PRKN: variants seen among roughly 807,000 people sequenced by gnomAD.
PRKN encodes the protein E3 ubiquitin-protein ligase parkin.
A neutral mutation model predicts 59.5 loss-of-function variants in PRKN; 56 were observed. The ratio of observed to expected loss-of-function variants is 0.94; its 90% CI spans 0.76 to 1.18. The LOEUF (loss-of-function observed/expected upper bound fraction) is 1.18, where lower values mean the gene tolerates loss of function less well. PRKN is among the 50% of genes most tolerant of loss of function. PRKN has a pLI of 0.00. For synonymous variants in PRKN, 250 were observed against 222.1 expected (o/e 1.13, Z -1.12); for missense variants, 657 against 596.4 (o/e 1.10, Z -1.06).
intron 5 of PRKN, among the ~76,000 whole-genome samples, chr6:162,043,727 A>C (rs1258945965): frequency 6.6e-6 from 1 of 152,226 alleles, no homozygotes. Flanking sequence ...AGGTAACGGC[A>C]ACAGAAAAGG....
chr6:161,358,410 C>T (rs1430159736), intron 11 of PRKN, among the ~76,000 whole-genome samples: 6 of 152,078 alleles, frequency 3.9e-5, no homozygotes, highest in African/African-American at 7.2e-5. Context: ...GTCAGGAGTT[C>T]GAGACCAGCC....
At chr6:162,087,833 C>A (rs1344316965) in intron 4 of PRKN, among the ~76,000 whole-genome samples, 2 of 151,974 alleles carry the variant, frequency 1.3e-5, no homozygotes, top group East Asian at 3.9e-4. Flanking sequence ...ACCTCGTGAT[C>A]CACCCGCCTC....
chr6:162,337,478 T>C (rs1252825453), intron 2 of PRKN, among the ~76,000 whole-genome samples: 1 of 152,242 alleles, frequency 6.6e-6, no homozygotes, highest in African/African-American at 2.4e-5. Context: ...TGAATGTCAC[T>C]ACATTAGCAC....
intron 2 of PRKN, among the ~76,000 whole-genome samples, chr6:162,343,399 G>T (rs989202582): frequency 3.9e-5 from 6 of 152,166 alleles, no homozygotes; most frequent in African/African-American, 1.4e-4. Flanking sequence ...CATCCCGTGT[G>T]GTTGTTGTTT....
At chr6:162,255,581 T>A (rs1197545495) in intron 3 of PRKN, among the ~76,000 whole-genome samples, 2 of 152,172 alleles carry the variant, frequency 1.3e-5, no homozygotes, top group African/African-American at 4.8e-5. Flanking sequence ...TTGCTGCTGC[T>A]GGCCCACAGA....
intron 7 of PRKN, among the ~76,000 whole-genome samples, chr6:161,627,385 A>G (rs1043088528): frequency 1.3e-5 from 2 of 152,254 alleles, no homozygotes; most frequent in African/African-American, 4.8e-5. Context: ...ACCATGGAAT[A>G]TGGTACACAC....
intron 9 of PRKN, among the ~76,000 whole-genome samples, chr6:161,536,641 C>T (rs945391137): frequency 2.0e-5 from 3 of 152,128 alleles, no homozygotes; most frequent in Admixed American, 6.5e-5. Context: ...CCTATAGAGT[C>T]GGTTTCATGC....
At chr6:161,479,980 G>A (rs1791307724) in intron 9 of PRKN, among the ~76,000 whole-genome samples, 1 of 152,178 alleles carries the variant, frequency 6.6e-6, no homozygotes, top group African/African-American at 2.4e-5. Flanking sequence ...AGCTTTAAGG[G>A]CCAGCACACA....
At chr6:162,280,796 CAAAAA>C (rs35943173) in intron 2 of PRKN, among the ~76,000 whole-genome samples, 1 of 41,344 alleles carries the variant, frequency 2.4e-5, no homozygotes, top group African/African-American at 9.2e-5. Context: ...GACTCCATCT[CAAAAA>C]AAAAAAAAAA....
At chr6:161,422,687 A>G (rs1788156539) in intron 9 of PRKN, among the ~76,000 whole-genome samples, 2 of 152,138 alleles carry the variant, frequency 1.3e-5, no homozygotes, top group African/African-American at 4.8e-5. Context: ...GGAAAATAGG[A>G]AGGAAAAATA....
intron 7 of PRKN, among the ~76,000 whole-genome samples, chr6:161,688,501 TA>T (rs1785651615): frequency 2.6e-5 from 4 of 152,366 alleles, no homozygotes; most frequent in African/African-American, 7.2e-5. Flanking sequence ...TTTTAAAACA[TA>T]AATTTCATTC....
chr6:162,427,084 G>A (rs757495446), intron 2 of PRKN, among the ~76,000 whole-genome samples: 1 of 152,170 alleles, frequency 6.6e-6, no homozygotes, highest in South Asian at 2.1e-4. Flanking sequence ...CAAATGAATA[G>A]TAAATGTGAA....
At chr6:162,363,933 T>C (rs980437486) in intron 2 of PRKN, among the ~76,000 whole-genome samples, 3 of 152,162 alleles carry the variant, frequency 2.0e-5, no homozygotes, top group Non-Finnish European at 2.9e-5. Context: ...GCTATAACAG[T>C]AGTCCCAGCT....
At chr6:161,398,999 C>T (rs151130771) in intron 9 of PRKN, among the ~76,000 whole-genome samples, 4 of 152,180 alleles carry the variant, frequency 2.6e-5, no homozygotes, top group Non-Finnish European at 5.9e-5. Context: ...GTCATGCCCC[C>T]CTATCCTGTC....
chr6:162,720,596 G>A (rs955697361), intron 1 of PRKN, among the ~76,000 whole-genome samples: 7 of 151,380 alleles, frequency 4.6e-5, no homozygotes, highest in East Asian at 3.9e-4. Flanking sequence ...GACTACAGGC[G>A]CCCGCCACCG....
At chr6:162,205,761 C>CA (rs1562579618) in intron 3 of PRKN, among the ~76,000 whole-genome samples, 2 of 130,414 alleles carry the variant, frequency 1.5e-5, no homozygotes, top group Non-Finnish European at 3.6e-5. Flanking sequence ...CACACACACA[C>CA]GTACATAGCA....
At chr6:162,134,204 C>G (rs377585667) in intron 4 of PRKN, among the ~76,000 whole-genome samples, 2 of 152,156 alleles carry the variant, frequency 1.3e-5, no homozygotes, top group African/African-American at 4.8e-5. Context: ...GGAATTCCAG[C>G]TCAACTGAAC....
intron 6 of PRKN, among the ~76,000 whole-genome samples, chr6:161,856,522 A>G (rs1793661039): frequency 6.6e-6 from 1 of 152,176 alleles, no homozygotes. Flanking sequence ...TTCATTTATT[A>G]GAAGGTACAT....
rs894998986 is a variant in PRKN, at chr6:161,550,488, T to A, written c.934-1485A>T. 1.3e-4 allele frequency among the ~76,000 whole-genome samples: 19 copies of A among 151,878 alleles called. No homozygotes were observed. The highest frequency in any genetic ancestry group is 2.8e-4 in the Non-Finnish European group (19 of 68,012). On this transcript the variant is annotated intron_variant, in intron 8 of 11. Coordinates refer to ENST00000366898, the MANE Select transcript of PRKN (RefSeq NM_004562.3). This position sits in a 1 kb window ranked among gnomAD's most constrained non-coding sequence, Gnocchi z 4.0. The stretch of plus-strand genomic sequence containing the variant: ...CTATGACGTAAGCTAGGAGCTTATG[T>A]CAACATCTATGCAAAAGATGGCACT...
Sources: gnomAD v4.1 joint callset for allele counts (sites outside exome capture counted in the v4.1 genomes callset) on GRCh38, gnomAD v4.1.1 for gene constraint, Gnocchi (gnomAD v3.1) non-coding constraint, MANE v1.5 for transcripts, NCBI Gene and HGNC (gene_info 2026-07-23, HGNC 2026-07-21) for gene names.